The following CACNA2D3 variants were observed in gnomAD, a reference collection of about 807,000 sequenced individuals.
CACNA2D3 encodes the protein voltage-dependent calcium channel subunit alpha-2/delta-3.
Under a neutral mutation model 160.6 loss-of-function variants are expected in CACNA2D3, and 60 were observed. The ratio of observed to expected loss-of-function variants is 0.37; its 90% CI spans 0.30 to 0.46. CACNA2D3 has a LOEUF of 0.46. CACNA2D3 is among the 20% of genes least tolerant of loss of function. The pLI, the probability that CACNA2D3 is intolerant of heterozygous loss-of-function variation, is 1.00. For synonymous variants in CACNA2D3, 558 were observed against 492.9 expected (o/e 1.13, Z -1.75); for missense variants, 1,205 against 1,365.0 (o/e 0.88, Z 1.85).
chr3:54,861,544 A>C (rs1291633516), intron 17 of CACNA2D3, among the ~76,000 whole-genome samples: 1 of 152,148 alleles, frequency 6.6e-6, no homozygotes, highest in Admixed American at 6.5e-5. Context: ...AAGCAGTGAT[A>C]TGATCTGATT....
intron 2 of CACNA2D3, among the ~76,000 whole-genome samples, chr3:54,135,427 A>G (rs1231923862): frequency 1.3e-5 from 2 of 152,232 alleles, no homozygotes; most frequent in Non-Finnish European, 2.9e-5. Context: ...TCCTGCAGGC[A>G]CAATGGTCTG....
intron 2 of CACNA2D3, among the ~76,000 whole-genome samples, chr3:54,284,693 C>T (rs1575367558): frequency 1.3e-5 from 2 of 152,148 alleles, no homozygotes; most frequent in South Asian, 2.1e-4. Flanking sequence ...GGTACCAGTA[C>T]TTCTTAATAA....
intron 2 of CACNA2D3, among the ~76,000 whole-genome samples, chr3:54,314,021 A>G (rs1575389272): frequency 6.6e-6 from 1 of 151,894 alleles, no homozygotes; most frequent in East Asian, 1.9e-4. Flanking sequence ...ACTGAACCCA[A>G]TTTGTAGTCT....
intron 5 of CACNA2D3, among the ~76,000 whole-genome samples, chr3:54,525,378 T>C (rs556131551): frequency 6.6e-6 from 1 of 152,258 alleles, no homozygotes; most frequent in South Asian, 2.1e-4. Flanking sequence ...GGGCATTCAT[T>C]TTGTCTTTCA....
At chr3:55,020,545 A>G (rs1017332727) in intron 35 of CACNA2D3, among the ~76,000 whole-genome samples, 1 of 151,696 alleles carries the variant, frequency 6.6e-6, no homozygotes, top group African/African-American at 2.4e-5. Context: ...CTTTTTCAGG[A>G]TGGACCTTCA....
chr3:54,781,613 TG>T (rs2107130576), intron 13 of CACNA2D3, among the ~76,000 whole-genome samples: 1 of 152,366 alleles, frequency 6.6e-6, no homozygotes, highest in Non-Finnish European at 1.5e-5. Context: ...CCTAAGTCCT[TG>T]CAGTGAACAA....
chr3:54,653,173 G>T (rs1699808781), intron 11 of CACNA2D3, among the ~76,000 whole-genome samples: 1 of 152,174 alleles, frequency 6.6e-6, no homozygotes, highest in South Asian at 2.1e-4. Flanking sequence ...AGGAGACATG[G>T]ACTTGGGCTG....
chr3:54,778,510 A>G (rs771984961), intron 13 of CACNA2D3, among the ~76,000 whole-genome samples: 11 of 152,002 alleles, frequency 7.2e-5, no homozygotes, highest in Non-Finnish European at 1.5e-4. Context: ...ACCTCCTTGG[A>G]TGGACCTCCA....
intron 11 of CACNA2D3, among the ~76,000 whole-genome samples, chr3:54,664,348 A>C (rs1421667024): frequency 6.6e-6 from 1 of 152,150 alleles, no homozygotes; most frequent in Non-Finnish European, 1.5e-5. Context: ...TTGACCTTGC[A>C]TTTCTGAACT....
chr3:54,309,155 A>C (rs1703674080), intron 2 of CACNA2D3, among the ~76,000 whole-genome samples: 1 of 152,236 alleles, frequency 6.6e-6, no homozygotes, highest in African/African-American at 2.4e-5. Context: ...ATACTCAGGA[A>C]TTGGAGTTTT....
At chr3:54,923,132 T>C (rs879632090) in intron 27 of CACNA2D3, among the ~76,000 whole-genome samples, 7 of 152,166 alleles carry the variant, frequency 4.6e-5, no homozygotes, top group African/African-American at 9.7e-5. Flanking sequence ...ACCTTTTACA[T>C]TGTAATCAGA....
intron 9 of CACNA2D3, among the ~76,000 whole-genome samples, chr3:54,613,119 G>A (rs901140593): frequency 3.3e-5 from 5 of 152,080 alleles, no homozygotes; most frequent in African/African-American, 1.2e-4. Flanking sequence ...GTGACTTAAC[G>A]GCCACAGACC....
At chr3:55,039,147 G>A (rs962172546) in intron 35 of CACNA2D3, among the ~76,000 whole-genome samples, 6 of 151,938 alleles carry the variant, frequency 3.9e-5, no homozygotes, top group Non-Finnish European at 8.8e-5. Flanking sequence ...TTGAAATAGA[G>A]CCATAGAAAA....
intron 13 of CACNA2D3, among the ~76,000 whole-genome samples, chr3:54,810,362 A>G (rs1482883209): frequency 6.6e-6 from 1 of 152,224 alleles, no homozygotes; most frequent in Admixed American, 6.5e-5. Flanking sequence ...CTGCACTGCC[A>G]AATCTTAGCT....
intron 3 of CACNA2D3, among the ~76,000 whole-genome samples, chr3:54,350,981 TG>T (rs1553632771): frequency 0.07 from 3,056 of 43,362 alleles, 594 homozygotes; most frequent in African/African-American, 0.14. Context: ...TTTTTTTTTT[TG>T]TTTGTTTTTT....
intron 16 of CACNA2D3, among the ~76,000 whole-genome samples, chr3:54,842,502 G>T (rs574740909): frequency 6.6e-6 from 1 of 152,250 alleles, no homozygotes; most frequent in Non-Finnish European, 1.5e-5. Flanking sequence ...AAGTGAGGTG[G>T]CCCCTTTCCC....
intron 2 of CACNA2D3, among the ~76,000 whole-genome samples, chr3:54,304,713 A>T (rs1202204391): frequency 6.6e-6 from 1 of 152,206 alleles, no homozygotes; most frequent in East Asian, 1.9e-4. Flanking sequence ...AGGTCAGGAC[A>T]TGGGCTATCG....
chr3:54,128,234 G>A (rs1015633538), intron 2 of CACNA2D3, among the ~76,000 whole-genome samples: 2 of 152,104 alleles, frequency 1.3e-5, no homozygotes, highest in Non-Finnish European at 2.9e-5. Flanking sequence ...TGATAATTCT[G>A]AAATCCATTG....
Position 54,970,200 on chromosome 3 carries a change from C to T in CACNA2D3, c.2556+356C>T, listed in dbSNP as rs972956374. On this transcript the variant is annotated intron_variant, in intron 29 of 37. Coordinates refer to ENST00000474759, the MANE Select transcript of CACNA2D3 (RefSeq NM_018398.3). ...AATCTCTTTCCATCCTTGCAACAAC[C>T]GGTGAAATAGGTAGGACTTGTTGAC... is the stretch of plus-strand genomic sequence containing the variant. Among the ~76,000 whole-genome samples the T allele has an allele frequency of 8.5e-5, 13 of 152,128 alleles. No homozygotes were observed. The East Asian group carries it at 9.7e-4, about 11-fold the overall frequency.
Sources: gnomAD v4.1 joint callset for allele counts (sites outside exome capture counted in the v4.1 genomes callset) on GRCh38, gnomAD v4.1.1 for gene constraint, MANE v1.5 for transcripts, NCBI Gene and HGNC (gene_info 2026-07-23, HGNC 2026-07-21) for gene names.